The following BLTP3B variants were observed in gnomAD, a reference collection of about 807,000 sequenced individuals.
The protein encoded by BLTP3B is UHRF1 (ICBP90) binding protein 1-like.
the BLTP3B span, among the ~76,000 whole-genome samples, chr12:100,132,929 C>T: frequency 6.6e-6 from 1 of 151,838 alleles, no homozygotes; most frequent in African/African-American, 2.4e-5. Flanking sequence ...GCCTGAGCAA[C>T]AGAGTAAACT....
At chr12:100,069,275 T>C in the BLTP3B span, among the ~76,000 whole-genome samples, 1 of 152,028 alleles carries the variant, frequency 6.6e-6, no homozygotes, top group African/African-American at 2.4e-5. Context: ...CTACTTGGTA[T>C]CCACCCAGAG....
the BLTP3B span, among the ~76,000 whole-genome samples, chr12:100,048,769 T>TGAGTGA: frequency 1.4e-5 from 1 of 72,874 alleles, no homozygotes; most frequent in African/African-American, 5.8e-5. Context: ...AGAGTGAGAG[T>TGAGTGA]GAGTGTGTGT....
the BLTP3B span, among the ~76,000 whole-genome samples, chr12:100,142,284 G>A: frequency 3.9e-5 from 6 of 152,238 alleles, no homozygotes; most frequent in Non-Finnish European, 8.8e-5. Flanking sequence ...GTACCGCACA[G>A]AGCCGAGCCG....
At chr12:100,097,591 T>C in the BLTP3B span, 2 of 1,375,982 alleles carry the variant, frequency 1.5e-6, no homozygotes, top group Middle Eastern at 2.4e-4. Flanking sequence ...AGCAAATGTA[T>C]ATTCTCAGTT....
the BLTP3B span, among the ~76,000 whole-genome samples, chr12:100,068,452 A>G: frequency 6.6e-6 from 1 of 152,228 alleles, no homozygotes; most frequent in African/African-American, 2.4e-5. Context: ...GGATTTCATG[A>G]CCAAGAACCT....
chr12:100,112,407 T>C, the BLTP3B span, among the ~76,000 whole-genome samples: 12 of 152,336 alleles, frequency 7.9e-5, no homozygotes, highest in Non-Finnish European at 1.6e-4. Context: ...CTGAGGGGAC[T>C]GAGCTGGGAG....
the BLTP3B span, among the ~76,000 whole-genome samples, chr12:100,085,371 T>C: frequency 6.6e-6 from 1 of 151,958 alleles, no homozygotes; most frequent in African/African-American, 2.4e-5. Flanking sequence ...AAATTTACTC[T>C]ATGAATGTTT....
At chr12:100,095,610 A>G in the BLTP3B span, 1 of 1,561,626 alleles carries the variant, frequency 6.4e-7, no homozygotes, top group Non-Finnish European at 8.6e-7. Flanking sequence ...ATTCCTTCTA[A>G]TTTTTAAACT....
the BLTP3B span, among the ~76,000 whole-genome samples, chr12:100,093,573 C>G: frequency 2.4e-4 from 36 of 152,252 alleles, 1 homozygote; most frequent in South Asian, 5.2e-3. Flanking sequence ...GTTTTTACCC[C>G]CTTCCTGTTC....
chr12:100,117,823 C>G, the BLTP3B span, among the ~76,000 whole-genome samples: 1 of 152,116 alleles, frequency 6.6e-6, no homozygotes, highest in Non-Finnish European at 1.5e-5. Context: ...TTTAAAACTA[C>G]TCCATTTCAA....
the BLTP3B span, among the ~76,000 whole-genome samples, chr12:100,062,977 TAAAA>T: frequency 7.8e-5 from 11 of 141,010 alleles, no homozygotes; most frequent in African/African-American, 2.9e-4. Context: ...GAAAAGAATT[TAAAA>T]AAAAAAAACA....
At chr12:100,082,956 GT>G in the BLTP3B span, 53 of 1,202,302 alleles carry the variant, frequency 4.4e-5, no homozygotes, top group African/African-American at 7.1e-4. Context: ...TGTTATTTAA[GT>G]TGCTTAGATG....
At chr12:100,041,010 C>G in the BLTP3B span, among the ~76,000 whole-genome samples, 2 of 152,034 alleles carry the variant, frequency 1.3e-5, no homozygotes, top group Non-Finnish European at 2.9e-5. Context: ...ACAAAAAAAC[C>G]CCACAAGAAC....
chr12:100,066,087 A>C, the BLTP3B span, among the ~76,000 whole-genome samples: 1 of 152,164 alleles, frequency 6.6e-6, no homozygotes, highest in Non-Finnish European at 1.5e-5. Context: ...AATACTGGGG[A>C]CAGGTTCCCC....
the BLTP3B span, among the ~76,000 whole-genome samples, chr12:100,137,642 G>C: frequency 6.6e-6 from 1 of 151,998 alleles, no homozygotes; most frequent in East Asian, 1.9e-4. Context: ...AAGTTACTCA[G>C]AGTCCATTTG....
At chr12:100,083,240 C>A in the BLTP3B span, 1 of 711,874 alleles carries the variant, frequency 1.4e-6, no homozygotes. Flanking sequence ...ACTAACTTCT[C>A]AAACAAGATA....
the BLTP3B span, chr12:100,084,517 G>C: frequency 6.2e-7 from 1 of 1,613,824 alleles, no homozygotes; most frequent in African/African-American, 1.3e-5. Flanking sequence ...TGGGGATTTA[G>C]GAGGTGAACC....
the BLTP3B span, among the ~76,000 whole-genome samples, chr12:100,086,554 C>A: frequency 6.6e-6 from 1 of 152,018 alleles, no homozygotes; most frequent in African/African-American, 2.4e-5. Flanking sequence ...TGTAAGGCAC[C>A]AGGATAAAAG....
chr12:100,121,870 C>T, the BLTP3B span, among the ~76,000 whole-genome samples: 1 of 152,092 alleles, frequency 6.6e-6, no homozygotes, highest in South Asian at 2.1e-4. Context: ...TAAATATGTG[C>T]AGTGTATTGC....
Sources: allele counts gnomAD v4.1 joint callset (sites outside exome capture counted in the v4.1 genomes callset), GRCh38; gene constraint gnomAD v4.1.1; transcripts MANE v1.5; gene names NCBI Gene and HGNC (gene_info 2026-07-23, HGNC 2026-07-21).